Variants in ATXN1 observed in about 807,000 individuals in gnomAD.
The protein encoded by ATXN1 is ataxin-1.
In ATXN1, 8 loss-of-function variants were observed where a neutral mutation model predicts 56.4. The ratio of observed to expected loss-of-function variants is 0.14; its 90% confidence interval spans 0.08 to 0.26. ATXN1 has a LOEUF of 0.26. Ranked by LOEUF, ATXN1 falls within the 10% of genes least tolerant of loss-of-function variation. The pLI is 1.00. For missense variants in ATXN1, 987 were observed against 1,106.5 expected (o/e 0.89, Z 1.53); for synonymous variants, 514 against 494.6 (o/e 1.04, Z -0.52).
chr6:16,419,795 C>T (rs952120397), intron 6 of ATXN1, among the ~76,000 whole-genome samples: 2 of 152,164 alleles, frequency 1.3e-5, no homozygotes, highest in East Asian at 3.8e-4. Context: ...ACAGAGCTGG[C>T]CACCTGTGAG....
At chr6:16,412,514 A>G (rs1021521226) in intron 6 of ATXN1, among the ~76,000 whole-genome samples, 4 of 152,198 alleles carry the variant, frequency 2.6e-5, no homozygotes, top group African/African-American at 9.7e-5. Context: ...CTAAATTCAA[A>G]TATCCATACA....
intron 3 of ATXN1, among the ~76,000 whole-genome samples, chr6:16,626,465 T>G (rs1436788567): frequency 6.6e-6 from 1 of 152,028 alleles, no homozygotes; most frequent in Non-Finnish European, 1.5e-5. Context: ...CTAATTTTTG[T>G]TTTTTTAGTA....
intron 2 of ATXN1, among the ~76,000 whole-genome samples, chr6:16,689,455 G>A (rs1325349234): frequency 2.0e-5 from 3 of 150,892 alleles, no homozygotes; most frequent in Non-Finnish European, 3.0e-5. Context: ...TGAGACTACA[G>A]GCAAGAGCCA....
intron 5 of ATXN1, among the ~76,000 whole-genome samples, chr6:16,518,113 G>T (rs964769326): frequency 1.4e-5 from 1 of 72,812 alleles, no homozygotes; most frequent in Non-Finnish European, 2.2e-5. Flanking sequence ...AAGCCCAAGC[G>T]CCACGAAGAA....
Position 16,657,782 on chromosome 6 carries a change from C to T in ATXN1, c.-495G>A, listed in dbSNP as rs1486395774. 6.6e-6 allele frequency: 1 copy of T among 152,172 alleles called. No individual in the cohort carries two copies. The highest frequency in any genetic ancestry group is 1.5e-5 in the Non-Finnish European group (1 of 68,028). The allele number at this position is 152,172 out of a possible 1,614,324, so 9.4% of individuals were successfully genotyped here. ...AGTCTTTTGGATGACTTACCAAAAA[C>T]CATTTGTGTTTCAAGACCATCCGTG... On this transcript the variant is annotated 5_prime_UTR_variant, in exon 3 of 8. The change creates a premature stop within an existing upstream ORF in the 5' untranslated region. Transcript: ENST00000436367.
chr6:16,333,448 G>GC (rs1250690886), intron 6 of ATXN1, among the ~76,000 whole-genome samples: 5 of 152,198 alleles, frequency 3.3e-5, no homozygotes, highest in African/African-American at 1.2e-4. Flanking sequence ...CCCACTGACT[G>GC]CAAGTCCAGT....
chr6:16,617,182 C>T (rs1452819128), intron 3 of ATXN1, among the ~76,000 whole-genome samples: 1 of 151,856 alleles, frequency 6.6e-6, no homozygotes, highest in Non-Finnish European at 1.5e-5. Flanking sequence ...TGTAAAATCT[C>T]TAAAGAAAAC....
chr6:16,573,168 C>T (rs1323655345), intron 4 of ATXN1, among the ~76,000 whole-genome samples: 1 of 152,190 alleles, frequency 6.6e-6, no homozygotes, highest in Non-Finnish European at 1.5e-5. Context: ...CACATTCCAG[C>T]GTAAGCAGAT....
chr6:16,427,679 G>C (rs1057168969), intron 6 of ATXN1, among the ~76,000 whole-genome samples: 2 of 152,304 alleles, frequency 1.3e-5, no homozygotes, highest in South Asian at 4.1e-4. Flanking sequence ...TTCAGGTGTT[G>C]AGCTCTAGAA....
chr6:16,613,220 G>T (rs1380496258), intron 3 of ATXN1, among the ~76,000 whole-genome samples: 2 of 140,628 alleles, frequency 1.4e-5, no homozygotes, highest in East Asian at 2.1e-4. Context: ...AGCCGAGATT[G>T]TGCCACTGCA....
chr6:16,666,294 T>C (rs1483143664), intron 2 of ATXN1, among the ~76,000 whole-genome samples: 1 of 152,210 alleles, frequency 6.6e-6, no homozygotes, highest in Non-Finnish European at 1.5e-5. Context: ...GTTCCAGCCA[T>C]GTTGTTACAA....
At chr6:16,722,932 T>A (rs1043167655) in intron 2 of ATXN1, among the ~76,000 whole-genome samples, 4 of 152,198 alleles carry the variant, frequency 2.6e-5, no homozygotes, top group African/African-American at 4.8e-5. Flanking sequence ...ACACTCTCTC[T>A]CACACACACG....
chr6:16,394,819 G>A (rs1018234728), intron 6 of ATXN1, among the ~76,000 whole-genome samples: 1 of 152,134 alleles, frequency 6.6e-6, no homozygotes, highest in African/African-American at 2.4e-5. Flanking sequence ...ATCCATTTAT[G>A]ACTGCATTTT....
intron 6 of ATXN1, among the ~76,000 whole-genome samples, chr6:16,354,584 T>C (rs1180404321): frequency 3.9e-5 from 6 of 152,182 alleles, no homozygotes; most frequent in Non-Finnish European, 8.8e-5. Flanking sequence ...ACACATGGAA[T>C]TTGTTTGTAT....
intron 6 of ATXN1, among the ~76,000 whole-genome samples, chr6:16,393,391 T>C (rs1015164286): frequency 4.6e-5 from 7 of 152,118 alleles, no homozygotes; most frequent in Non-Finnish European, 8.8e-5. Flanking sequence ...TGTACAACCA[T>C]ACCCGGCTAA....
intron 2 of ATXN1, among the ~76,000 whole-genome samples, chr6:16,683,800 C>T (rs753579657): frequency 2.0e-5 from 3 of 152,176 alleles, no homozygotes; most frequent in Admixed American, 6.5e-5. Flanking sequence ...TATTAACACT[C>T]CAGGATCCCT....
chr6:16,488,056 G>C (rs1002736558), intron 5 of ATXN1, among the ~76,000 whole-genome samples: 1 of 152,148 alleles, frequency 6.6e-6, no homozygotes, highest in African/African-American at 2.4e-5. Flanking sequence ...AATAAGAGAT[G>C]ATTCATCTTT....
rs1469780128 is a variant in ATXN1, at chr6:16,664,533, A to T, written c.-614-6632T>A. On this transcript the variant is annotated intron_variant, in intron 2 of 7. Coordinates refer to ENST00000436367, the MANE Select transcript of ATXN1 (RefSeq NM_001128164.2). ...ATAATTTGTTTTTAAAGGTTGGGAT[A>T]AATTTGGGAAAGACTTTGGAGGGTC... is the stretch of plus-strand genomic sequence containing the variant. Among the ~76,000 whole-genome samples, 4 of 152,192 alleles carry T rather than the reference A, an allele frequency of 2.6e-5. No individual in the cohort carries two copies. In the South Asian group the frequency reaches 6.2e-4, roughly 24 times the overall value.
At chr6:16,761,275 A>G (rs777472265) in intron 1 of ATXN1, 23 bp downstream of exon 1, 4 of 444,556 alleles carry the variant, frequency 9.0e-6, no homozygotes. Context: ...GAATCGGAGG[A>G]GGAAAAAAAA....
Sources: allele counts gnomAD v4.1 joint callset (sites outside exome capture counted in the v4.1 genomes callset), GRCh38; gene constraint gnomAD v4.1.1; transcripts MANE v1.5; gene names NCBI Gene and HGNC (gene_info 2026-07-23, HGNC 2026-07-21).